Variants in ENTREP2 observed in about 807,000 individuals in gnomAD.
ENTREP2 encodes endosomal transmembrane epsin interactor 2.
the ENTREP2 span, among the ~76,000 whole-genome samples, chr15:29,216,926 C>T: frequency 1.3e-5 from 2 of 152,000 alleles, no homozygotes; most frequent in African/African-American, 4.8e-5. Flanking sequence ...TTTAAGCCGG[C>T]GGCCAAGAGA....
the ENTREP2 span, among the ~76,000 whole-genome samples, chr15:29,360,750 T>C: frequency 2.0e-5 from 3 of 152,252 alleles, no homozygotes; most frequent in African/African-American, 7.2e-5. Context: ...TCCTGGAACA[T>C]AGCAGCAGGT....
At chr15:29,385,999 T>A in the ENTREP2 span, among the ~76,000 whole-genome samples, 1 of 150,386 alleles carries the variant, frequency 6.6e-6, no homozygotes, top group Non-Finnish European at 1.5e-5. Flanking sequence ...CGGAGGAGAG[T>A]CCAGCCACTG....
At chr15:29,668,993 A>G in the ENTREP2 span, among the ~76,000 whole-genome samples, 5,995 of 152,208 alleles carry the variant, frequency 0.039, 340 homozygotes, top group African/African-American at 0.13. Context: ...CCTCCCCAGA[A>G]TTCCTCTTCT....
chr15:29,544,113 T>C, the ENTREP2 span, among the ~76,000 whole-genome samples: 7 of 152,262 alleles, frequency 4.6e-5, no homozygotes, highest in Admixed American at 2.6e-4. Context: ...ATATAAAAAA[T>C]TGCTACATGG....
At chr15:29,455,318 C>T in the ENTREP2 span, among the ~76,000 whole-genome samples, 2 of 152,092 alleles carry the variant, frequency 1.3e-5, no homozygotes, top group African/African-American at 2.4e-5. Flanking sequence ...AAGAGAGCCA[C>T]CCAGCCAAGC....
At chr15:29,122,467 C>A in the ENTREP2 span, 4 of 152,308 alleles carry the variant, frequency 2.6e-5, no homozygotes, top group East Asian at 7.7e-4. Context: ...TCAGAGAAAC[C>A]GGCCTCTCTC....
the ENTREP2 span, among the ~76,000 whole-genome samples, chr15:29,598,682 CT>C: frequency 6.9e-3 from 907 of 131,728 alleles, 11 homozygotes; most frequent in African/African-American, 0.023. Flanking sequence ...GACCTAAAAT[CT>C]TTTTTTTCTT....
the ENTREP2 span, among the ~76,000 whole-genome samples, chr15:29,496,605 G>A: frequency 6.6e-6 from 1 of 151,934 alleles, no homozygotes; most frequent in South Asian, 2.1e-4. Context: ...ACCTAAATTT[G>A]TTTAGAGTTT....
the ENTREP2 span, among the ~76,000 whole-genome samples, chr15:29,404,588 C>T: frequency 4.6e-5 from 7 of 151,890 alleles, no homozygotes; most frequent in Non-Finnish European, 1.0e-4. Context: ...CCCAGCTGCT[C>T]GTTAGTAAGG....
chr15:29,561,457 G>A, the ENTREP2 span, among the ~76,000 whole-genome samples: 1 of 152,170 alleles, frequency 6.6e-6, no homozygotes, highest in Non-Finnish European at 1.5e-5. Context: ...GGAGGCTGAG[G>A]CAGGCCGATC....
At chr15:29,276,313 T>A in the ENTREP2 span, among the ~76,000 whole-genome samples, 1 of 152,202 alleles carries the variant, frequency 6.6e-6, no homozygotes, top group Non-Finnish European at 1.5e-5. Flanking sequence ...GCCTATTAAG[T>A]TATAAAATTA....
chr15:29,276,455 C>T, the ENTREP2 span, among the ~76,000 whole-genome samples: 1 of 152,186 alleles, frequency 6.6e-6, no homozygotes, highest in South Asian at 2.1e-4. Flanking sequence ...TATAGGGCTG[C>T]CTTCCTTTCC....
At chr15:29,430,704 G>T in the ENTREP2 span, among the ~76,000 whole-genome samples, 4 of 152,202 alleles carry the variant, frequency 2.6e-5, no homozygotes, top group East Asian at 5.8e-4. Flanking sequence ...GGTGGGGGAA[G>T]GATGGGAGGA....
At chr15:29,641,100 A>C in the ENTREP2 span, among the ~76,000 whole-genome samples, 2 of 152,242 alleles carry the variant, frequency 1.3e-5, no homozygotes, top group Non-Finnish European at 2.9e-5. Flanking sequence ...GATGCAAAAA[A>C]GCACTTGGTA....
At chr15:29,165,975 G>C in the ENTREP2 span, among the ~76,000 whole-genome samples, 1 of 152,140 alleles carries the variant, frequency 6.6e-6, no homozygotes, top group East Asian at 1.9e-4. Context: ...AATACATCAT[G>C]ATCAAGTGAG....
chr15:29,241,136 A>G, the ENTREP2 span, among the ~76,000 whole-genome samples: 1 of 152,222 alleles, frequency 6.6e-6, no homozygotes, highest in Non-Finnish European at 1.5e-5. Context: ...TAATGAAATT[A>G]GTGCCTGACT....
At chr15:29,214,394 A>G in the ENTREP2 span, among the ~76,000 whole-genome samples, 1 of 152,366 alleles carries the variant, frequency 6.6e-6, no homozygotes, top group Non-Finnish European at 1.5e-5. Context: ...TTGTAGGGAC[A>G]TGGATGAAGC....
chr15:29,160,356 G>C, the ENTREP2 span, among the ~76,000 whole-genome samples: 1 of 152,192 alleles, frequency 6.6e-6, no homozygotes, highest in East Asian at 1.9e-4. Context: ...GGCTCCTCAA[G>C]TGCCGCCAAA....
chr15:29,289,572 G>A, the ENTREP2 span, among the ~76,000 whole-genome samples: 6 of 152,168 alleles, frequency 3.9e-5, no homozygotes, highest in African/African-American at 1.4e-4. Flanking sequence ...GAGGCACGGT[G>A]TGGTGGCTCA....
Sources: gnomAD v4.1 joint callset for allele counts (sites outside exome capture counted in the v4.1 genomes callset) on GRCh38, gnomAD v4.1.1 for gene constraint, MANE v1.5 for transcripts, NCBI Gene and HGNC (gene_info 2026-07-23, HGNC 2026-07-21) for gene names.